KCNIP4: variants seen among roughly 807,000 people sequenced by gnomAD.
KCNIP4 encodes the protein Kv channel-interacting protein 4.
A neutral mutation model predicts 34.0 loss-of-function variants in KCNIP4; 12 were observed. The ratio of observed to expected loss-of-function variants is 0.35; its 90% CI spans 0.23 to 0.57. The LOEUF is 0.57. Ranked by LOEUF, KCNIP4 falls within the 20% of genes least tolerant of loss-of-function variation. The probability of loss-of-function intolerance (pLI) is 0.83; values close to 1 mark genes in which losing one functional copy is unlikely to be tolerated. For synonymous variants in KCNIP4, 124 were observed against 102.2 expected (o/e 1.21, Z -1.29); for missense variants, 238 against 311.7 (o/e 0.76, Z 1.78).
intron 1 of KCNIP4, among the ~76,000 whole-genome samples, chr4:21,146,225 C>T (rs1438935668): frequency 2.6e-5 from 4 of 151,960 alleles, no homozygotes; most frequent in African/African-American, 9.7e-5. Flanking sequence ...AGTGAAACCC[C>T]GTCTCTACTA....
chr4:21,144,987 A>C (rs955488005), intron 1 of KCNIP4, among the ~76,000 whole-genome samples: 8 of 152,174 alleles, frequency 5.3e-5, no homozygotes, highest in Non-Finnish European at 1.0e-4. Context: ...GGGAAAAAAA[A>C]AAATAGTAAT....
chr4:21,443,758 C>T (rs879613880), intron 1 of KCNIP4, among the ~76,000 whole-genome samples: 2 of 152,092 alleles, frequency 1.3e-5, no homozygotes, highest in Non-Finnish European at 2.9e-5. Flanking sequence ...CATAGTGAGA[C>T]TCCATCTCCA....
intron 1 of KCNIP4, among the ~76,000 whole-genome samples, chr4:21,051,052 A>G (rs1321977286): frequency 2.6e-5 from 4 of 152,256 alleles, no homozygotes; most frequent in Middle Eastern, 6.8e-3. Flanking sequence ...TCTCCCTCTG[A>G]ATTGTAATTG....
At chr4:21,386,702 C>T (rs1722064900) in intron 1 of KCNIP4, among the ~76,000 whole-genome samples, 1 of 152,068 alleles carries the variant, frequency 6.6e-6, no homozygotes, top group Admixed American at 6.6e-5. Flanking sequence ...ATTTTCATTC[C>T]TCAGGTGAGG....
At chr4:20,967,302 A>T (rs1734453906) in intron 1 of KCNIP4, among the ~76,000 whole-genome samples, 1 of 152,220 alleles carries the variant, frequency 6.6e-6, no homozygotes, top group African/African-American at 2.4e-5. Flanking sequence ...ATGGAAGAAC[A>T]TTCCATGCTC....
chr4:20,813,088 A>T (rs1345382555), intron 3 of KCNIP4, among the ~76,000 whole-genome samples: 1 of 152,212 alleles, frequency 6.6e-6, no homozygotes, highest in Non-Finnish European at 1.5e-5. Context: ...TTAAAGAGGT[A>T]GTCATGTGCC....
chr4:21,622,258 G>A lies in KCNIP4; in HGVS notation c.61+326313C>T, dbSNP rs185292008. 3.5e-3 allele frequency among the ~76,000 whole-genome samples: 527 copies of A among 152,158 alleles called. 2 individuals carry two copies. The highest frequency in any genetic ancestry group is 4.9e-3 in the Non-Finnish European group (332 of 68,004). On this transcript the variant is annotated intron_variant, in intron 1 of 8. Coordinates refer to ENST00000382152, the MANE Select transcript of KCNIP4 (RefSeq NM_025221.6). ...CTTTTAATGACTTTACCCCCAAGATGTTCCTTATTTGATCTCTGGGACAAG... is the reference window on the plus strand; with the variant it reads ...CTTTTAATGACTTTACCCCCAAGATATTCCTTATTTGATCTCTGGGACAAG...
intron 1 of KCNIP4, among the ~76,000 whole-genome samples, chr4:21,779,930 CAAAA>C (rs10564487): frequency 0.16 from 21,638 of 138,274 alleles, 1,917 homozygotes; most frequent in African/African-American, 0.28. Flanking sequence ...GATCCTGTCT[CAAAA>C]AAAAAAAAAA....
intron 1 of KCNIP4, among the ~76,000 whole-genome samples, chr4:21,569,982 C>T (rs1214838008): frequency 1.3e-5 from 2 of 151,854 alleles, no homozygotes; most frequent in African/African-American, 4.8e-5. Flanking sequence ...TGTGGTACTC[C>T]CCCCACTCAG....
rs901857437 is a variant in KCNIP4 at position 21,851,311 on chromosome 4, A to G, written c.61+97260T>C. On this transcript the variant is annotated intron_variant, in intron 1 of 8. Coordinates refer to ENST00000382152, the MANE Select transcript of KCNIP4 (RefSeq NM_025221.6). ...AATCCAACACTGCATGTTCTCATTC[A>G]TAAGGGGGAGCTAAATAATGTATAC... is the stretch of plus-strand genomic sequence containing the variant. 7 of 152,162 alleles carry G rather than the reference A, an allele frequency of 4.6e-5. No individual in the cohort carries two copies. In the South Asian group the frequency reaches 8.3e-4, roughly 18 times the overall value. 9.4% of individuals were successfully genotyped at this position (152,162 alleles called of 1,614,324 possible).
chr4:21,451,054 G>A (rs201341299), intron 1 of KCNIP4, among the ~76,000 whole-genome samples: 1 of 152,094 alleles, frequency 6.6e-6, no homozygotes, highest in African/African-American at 2.4e-5. Context: ...TGTGCAATAG[G>A]ATAACAGGTG....
chr4:21,720,168 A>G (rs1714703354), intron 1 of KCNIP4, among the ~76,000 whole-genome samples: 1 of 152,172 alleles, frequency 6.6e-6, no homozygotes, highest in African/African-American at 2.4e-5. Context: ...TAAAGGCTCC[A>G]TTGAAACATG....
intron 1 of KCNIP4, among the ~76,000 whole-genome samples, chr4:20,901,129 A>G (rs1727111746): frequency 6.6e-6 from 1 of 152,214 alleles, no homozygotes; most frequent in Non-Finnish European, 1.5e-5. Flanking sequence ...AACACAAGCC[A>G]TTTTGTTTTC....
At chr4:20,784,454 T>G (rs114600054) in intron 3 of KCNIP4, among the ~76,000 whole-genome samples, 1 of 152,190 alleles carries the variant, frequency 6.6e-6, no homozygotes, top group Admixed American at 6.5e-5. Context: ...GAAATAATAT[T>G]CTTTAATAAA....
intron 1 of KCNIP4, among the ~76,000 whole-genome samples, chr4:21,638,565 C>T (rs1746389525): frequency 6.6e-6 from 1 of 152,126 alleles, no homozygotes; most frequent in South Asian, 2.1e-4. Flanking sequence ...CTGGCAACCT[C>T]CCGTGTAAAT....
At chr4:20,968,321 T>C (rs1158730955) in intron 1 of KCNIP4, among the ~76,000 whole-genome samples, 2 of 152,176 alleles carry the variant, frequency 1.3e-5, no homozygotes, top group Admixed American at 6.5e-5. Flanking sequence ...GCTTTTACAC[T>C]GTTGGTGGGA....
chr4:21,384,674 A>G (rs1424073535), intron 1 of KCNIP4, among the ~76,000 whole-genome samples: 1 of 152,216 alleles, frequency 6.6e-6, no homozygotes, highest in Non-Finnish European at 1.5e-5. Flanking sequence ...ATTGATCCAG[A>G]GAATTTGCCC....
At chr4:21,713,559 A>G (rs1042840212) in intron 1 of KCNIP4, among the ~76,000 whole-genome samples, 4 of 152,234 alleles carry the variant, frequency 2.6e-5, no homozygotes, top group African/African-American at 9.6e-5. Flanking sequence ...TCAGAATGTT[A>G]AGGTTGTCCA....
At chr4:21,731,344 C>G (rs1184126269) in intron 1 of KCNIP4, among the ~76,000 whole-genome samples, 2 of 152,070 alleles carry the variant, frequency 1.3e-5, no homozygotes, top group African/African-American at 4.8e-5. Context: ...GCAGATTTCT[C>G]TCACAATGTT....
Sources: allele counts gnomAD v4.1 joint callset (sites outside exome capture counted in the v4.1 genomes callset), GRCh38; gene constraint gnomAD v4.1.1; transcripts MANE v1.5; gene names NCBI Gene and HGNC (gene_info 2026-07-23, HGNC 2026-07-21).